PCM1: variants seen among roughly 807,000 people sequenced by gnomAD.
The protein encoded by PCM1 is pericentriolar material 1.
PCM1 carries 157 observed loss-of-function variants against 241.9 expected under a neutral mutation model. The ratio of observed to expected loss-of-function variants is 0.65; its 90% CI spans 0.57 to 0.74. PCM1 has a LOEUF of 0.74. Among genes scored for constraint, PCM1 ranks in the 30% least tolerant of loss-of-function variants. The probability of loss-of-function intolerance (pLI) is 0.00; values close to 1 mark genes in which losing one functional copy is unlikely to be tolerated. For synonymous variants in PCM1, 1,085 were observed against 784.9 expected (o/e 1.38, Z -6.39); for missense variants, 3,478 against 2,360.1 (o/e 1.47, Z -9.81).
chr8:17,932,870 G>A (rs2059431351), intron 2 of PCM1, among the ~76,000 whole-genome samples: 1 of 152,024 alleles, frequency 6.6e-6, no homozygotes, highest in African/African-American at 2.4e-5. Context: ...TCTCAGTTGG[G>A]AGAGAATTAA....
chr8:17,942,350 C>G (rs1461405676), intron 6 of PCM1, among the ~76,000 whole-genome samples: 1 of 151,816 alleles, frequency 6.6e-6, no homozygotes, highest in Non-Finnish European at 1.5e-5. Flanking sequence ...GCCTGTAATC[C>G]CAGCTACTCA....
intron 29 of PCM1, 29 bp downstream of exon 29, chr8:17,993,648 A>C: frequency 6.5e-7 from 1 of 1,540,590 alleles, no homozygotes; most frequent in Non-Finnish European, 8.8e-7. Context: ...AAATAAACGA[A>C]ACCTTCTATG....
intron 2 of PCM1, among the ~76,000 whole-genome samples, chr8:17,934,522 A>C (rs766034984): frequency 6.6e-6 from 1 of 152,206 alleles, no homozygotes; most frequent in Non-Finnish European, 1.5e-5. Flanking sequence ...CAGCTTCTCA[A>C]AGTGCTGGGA....
chr8:17,953,816 C>T (rs528594247), intron 9 of PCM1, among the ~76,000 whole-genome samples: 6 of 150,830 alleles, frequency 4.0e-5, no homozygotes, highest in East Asian at 2.0e-4. Context: ...CAAACATGGC[C>T]CCTGTCTCAT....
intron 35 of PCM1, 23 bp from the exon 36 acceptor site, chr8:18,014,555 CTAATGT>C (rs2092937009): frequency 6.4e-7 from 1 of 1,555,666 alleles, no homozygotes; most frequent in Non-Finnish European, 8.7e-7. Flanking sequence ...TTGCATTACA[CTAATGT>C]TAAGACTTTC....
intron 9 of PCM1, among the ~76,000 whole-genome samples, chr8:17,954,014 C>T (rs114735574): frequency 1.2e-3 from 180 of 152,334 alleles, no homozygotes; most frequent in African/African-American, 4.0e-3. Flanking sequence ...TTTCCACCCA[C>T]AAAAGAACCT....
intron 36 of PCM1, among the ~76,000 whole-genome samples, chr8:18,024,573 G>C (rs1007759070): frequency 6.6e-6 from 1 of 152,100 alleles, no homozygotes; most frequent in African/African-American, 2.4e-5. Flanking sequence ...TGCCATAGAA[G>C]ACATTTAATT....
chr8:17,938,762 A>G lies in PCM1; in HGVS notation c.365A>G (p.Gln122Arg), dbSNP rs778666028. The G allele has an allele frequency of 1.2e-6, 2 of 1,611,852 alleles. No individual in the cohort carries two copies. The highest frequency in any genetic ancestry group is 1.7e-6 in the Non-Finnish European group (2 of 1,177,906). The change falls in exon 5 of 39, where the codon CAA (glutamine) becomes CGA (arginine). Residue 122 changes from glutamine to arginine, a missense_variant. Coordinates refer to ENST00000325083, the MANE Select transcript of PCM1 (RefSeq NM_006197.4). ...LDQRSIGSDS[Q>R]GRATAANNKR... ...TAGAGAAGCATTGGAAGTGATTCCC[A>G]AGGTAGAGCAACAGCTGCTAACAAC...
At position 17,959,906 on chromosome 8, in the gene PCM1, CT is replaced by C. The variant is rs552263965; in HGVS notation, c.2041-105del. On this transcript the variant is annotated intron_variant, in intron 13 of 38. Transcript: ENST00000325083. The stretch of plus-strand genomic sequence containing the variant: ...GTATACAAACGTGCTTTCTTTACTG[CT>C]TTAATCTTTTTATGTAAATTTTACA... The C allele has an allele frequency of 8.4e-6, 9 of 1,068,698 alleles. No homozygotes were observed. In the African/African-American group the frequency reaches 1.3e-4, roughly 15 times the overall value. 66.2% of individuals were successfully genotyped at this position (1,068,698 alleles called of 1,614,324 possible).
chr8:18,012,712 A>T (rs990717944), intron 34 of PCM1, among the ~76,000 whole-genome samples: 1 of 151,756 alleles, frequency 6.6e-6, no homozygotes, highest in African/African-American at 2.4e-5. Flanking sequence ...CTGCCACACC[A>T]TTTTCTCTTT....
chr8:18,026,808 GCTC>G (rs748461649), intron 38 of PCM1, among the ~76,000 whole-genome samples: 36 of 151,996 alleles, frequency 2.4e-4, no homozygotes, highest in Non-Finnish European at 4.0e-4. Context: ...ATCCCTTGCT[GCTC>G]CTCCTCTGCT....
At chr8:18,019,061 ATC>A (rs1431947095) in intron 36 of PCM1, among the ~76,000 whole-genome samples, 7 of 151,754 alleles carry the variant, frequency 4.6e-5, no homozygotes, top group Non-Finnish European at 1.0e-4. Context: ...TCACAGTGTA[ATC>A]TTTCTTTCCT....
intron 5 of PCM1, 74 bp downstream of exon 5, chr8:17,939,083 G>A: frequency 6.9e-7 from 1 of 1,453,424 alleles, no homozygotes; most frequent in East Asian, 2.3e-5. Context: ...TAGAAAATTA[G>A]GTTACGCACA....
chr8:17,957,474 G>C (rs778127161), intron 12 of PCM1, 53 bp downstream of exon 12: 4 of 1,605,952 alleles, frequency 2.5e-6, no homozygotes, highest in Admixed American at 3.3e-5. Context: ...TTACAAAGTG[G>C]GTTTTCGTTC....
intron 23 of PCM1, among the ~76,000 whole-genome samples, chr8:17,975,327 C>G (rs1241645319): frequency 3.9e-5 from 6 of 152,096 alleles, no homozygotes; most frequent in Admixed American, 3.9e-4. Flanking sequence ...CCACACCCGG[C>G]TAATTTTGTA....
Position 17,991,935 on chromosome 8 carries a change from T to C in PCM1, c.4690+235T>C, listed in dbSNP as rs561033408. ...ATACTCATAGCTTAGCTACCACTTA[T>C]GAGTGAGAACATGCAACGTTTGGTT... On this transcript the variant is annotated intron_variant, in intron 28 of 38. Coordinates refer to ENST00000325083, the MANE Select transcript of PCM1 (RefSeq NM_006197.4). Among the ~76,000 whole-genome samples the C allele has an allele frequency of 1.5e-3, 228 of 152,302 alleles. 6 individuals are homozygous for C. The South Asian group carries it at 0.042, about 28-fold the overall frequency.
intron 36 of PCM1, among the ~76,000 whole-genome samples, chr8:18,018,156 C>T (rs1454287751): frequency 6.6e-6 from 1 of 152,192 alleles, no homozygotes; most frequent in Non-Finnish European, 1.5e-5. Context: ...GAAAAGCATG[C>T]CTTCCTACAA....
In PCM1 at chr8:17,937,247, A is replaced by G. The variant is rs143405409; in HGVS notation, c.210A>G (p.Pro70=). 13 of 1,610,746 alleles carry G rather than the reference A, an allele frequency of 8.1e-6. No homozygotes were observed. The East Asian group carries it at 2.5e-4, about 30-fold the overall frequency. ...ATGATATTTCTCCGGAGTCGTCACC[A>G]GGAGTTGGAAGGCGAAGAACAAAGA... The part of the protein sequence containing the change: ...VTNDISPESS[P]GVGRRRTKTP... The change falls in exon 4 of 39, where the codon CCA becomes CCG. Residue 70 remains proline (P), a synonymous_variant. Transcript: ENST00000325083.
At chr8:17,948,502 A>G (rs1024971047) in intron 7 of PCM1, among the ~76,000 whole-genome samples, 1 of 151,592 alleles carries the variant, frequency 6.6e-6, no homozygotes, top group Admixed American at 6.6e-5. Flanking sequence ...TCGGGGTTTC[A>G]CCATATTGGT....
Sources: allele counts gnomAD v4.1 joint callset (sites outside exome capture counted in the v4.1 genomes callset), GRCh38; gene constraint gnomAD v4.1.1; transcripts MANE v1.5; gene names NCBI Gene and HGNC (gene_info 2026-07-23, HGNC 2026-07-21).